Variants in SLC38A6 observed in about 807,000 individuals in gnomAD.
SLC38A6 encodes the protein solute carrier family 38 member 6, also known as N system amino acid transporter NAT-1.
In SLC38A6, 73 loss-of-function variants were observed where a neutral mutation model predicts 65.0. The ratio of observed to expected loss-of-function variants is 1.12; its 90% CI spans 0.93 to 1.37. The LOEUF (loss-of-function observed/expected upper bound fraction) is 1.37. SLC38A6 is among the 40% of genes most tolerant of loss of function. The probability of loss-of-function intolerance (pLI) is 0.00; values close to 1 mark genes in which losing one functional copy is unlikely to be tolerated. For missense variants in SLC38A6, 561 were observed against 531.1 expected, an observed-to-expected ratio of 1.06 and a Z score of -0.55; for synonymous variants, 183 against 178.8, an observed-to-expected ratio of 1.02 and a Z score of -0.19.
chr14:61,052,339 A>G lies in SLC38A6; in HGVS notation c.1291-10A>G. The G allele has an allele frequency of 6.4e-7, 1 of 1,560,830 alleles. No individual in the cohort carries two copies. The highest frequency in any genetic ancestry group is 8.6e-7 in the Non-Finnish European group (1 of 1,157,144). On this transcript the variant is annotated splice_polypyrimidine_tract_variant and intron_variant, in intron 15 of 15. Coordinates refer to ENST00000267488, the MANE Select transcript of SLC38A6 (RefSeq NM_153811.3). ...TTTCTTATCTTTTATCTTTTTTCTT[A>G]TTTCCACAGGCATTCGTTTTGCTCA...
chr14:61,003,227 G>A (rs2038830319), intron 3 of SLC38A6, among the ~76,000 whole-genome samples: 1 of 151,850 alleles, frequency 6.6e-6, no homozygotes, highest in Admixed American at 6.6e-5. Flanking sequence ...GCCAAAAAAA[G>A]AAAGAAAAAG....
At chr14:61,027,382 C>G (rs911001278) in intron 5 of SLC38A6, among the ~76,000 whole-genome samples, 10 of 152,062 alleles carry the variant, frequency 6.6e-5, no homozygotes, top group African/African-American at 2.4e-4. Flanking sequence ...TAGAGTAGAA[C>G]ATGGTGTGTC....
intron 5 of SLC38A6, among the ~76,000 whole-genome samples, chr14:61,027,652 AATTT>A (rs1396392735): frequency 3.3e-5 from 5 of 152,102 alleles, no homozygotes; most frequent in Admixed American, 2.6e-4. Context: ...CTTTTGTATG[AATTT>A]AATTAAGATA....
At chr14:61,047,237 A>G (rs751826760) in intron 12 of SLC38A6, among the ~76,000 whole-genome samples, 15 of 152,178 alleles carry the variant, frequency 9.9e-5, no homozygotes, top group South Asian at 2.1e-4. Flanking sequence ...TGGCTTGCCA[A>G]TATCCAGGCT....
intron 6 of SLC38A6, chr14:61,034,432 C>T (rs566390813): frequency 3.3e-5 from 5 of 151,972 alleles, no homozygotes; most frequent in African/African-American, 4.8e-5. Flanking sequence ...GTGTATAATG[C>T]GGTATTGTTA....
chr14:61,043,691 A>G (rs878959513), intron 10 of SLC38A6, among the ~76,000 whole-genome samples, 188 bp downstream of exon 10: 1 of 116,156 alleles, frequency 8.6e-6, no homozygotes, highest in Non-Finnish European at 1.7e-5. Context: ...TGAAACAGCC[A>G]CCTTTTTTTT....
At chr14:61,054,309 A>T (rs1418661580), downstream of SLC38A6, among the ~76,000 whole-genome samples, 1 of 152,146 alleles carries the variant, frequency 6.6e-6, no homozygotes, top group Non-Finnish European at 1.5e-5. Flanking sequence ...GGTTCATGTG[A>T]TGCCTCCAGC....
chr14:60,988,258 C>T (rs1262118976), intron 3 of SLC38A6, among the ~76,000 whole-genome samples: 1 of 152,206 alleles, frequency 6.6e-6, no homozygotes, highest in African/African-American at 2.4e-5. Flanking sequence ...TCTCAACCAT[C>T]TTCCTCTCCT....
chr14:61,016,319 G>A (rs552520394), intron 4 of SLC38A6, among the ~76,000 whole-genome samples: 40 of 152,086 alleles, frequency 2.6e-4, no homozygotes, highest in Admixed American at 4.6e-4. Flanking sequence ...AAGCAACATC[G>A]AATTCAAATT....
At chr14:61,020,872 TCA>T (rs1484092787) in intron 5 of SLC38A6, among the ~76,000 whole-genome samples, 1 of 152,190 alleles carries the variant, frequency 6.6e-6, no homozygotes, top group Non-Finnish European at 1.5e-5. Context: ...CTAAGAACTA[TCA>T]CATATTGTTT....
chr14:61,025,636 C>G (rs2040568165), intron 5 of SLC38A6, among the ~76,000 whole-genome samples: 1 of 151,990 alleles, frequency 6.6e-6, no homozygotes, highest in African/African-American at 2.4e-5. Context: ...ATAAAATTTT[C>G]AGAACAGTAG....
At chr14:60,990,225 T>G (rs2037759667) in intron 3 of SLC38A6, among the ~76,000 whole-genome samples, 1 of 152,166 alleles carries the variant, frequency 6.6e-6, no homozygotes, top group African/African-American at 2.4e-5. Context: ...GAAACAGGGT[T>G]TTGCCATGTT....
intron 15 of SLC38A6, among the ~76,000 whole-genome samples, chr14:61,078,150 C>A (rs1958275): frequency 6.6e-6 from 1 of 152,142 alleles, no homozygotes; most frequent in South Asian, 2.1e-4. Context: ...GCCATCTGTG[C>A]GTGCTTGTTG....
chr14:61,016,982 A>G (rs2040050172), intron 4 of SLC38A6, among the ~76,000 whole-genome samples: 1 of 152,214 alleles, frequency 6.6e-6, no homozygotes, highest in South Asian at 2.1e-4. Context: ...GAGGAAATAT[A>G]TATAGCTATA....
chr14:61,004,530 A>C (rs1359354363), intron 3 of SLC38A6: 1 of 152,230 alleles, frequency 6.6e-6, no homozygotes, highest in East Asian at 1.9e-4. Context: ...ACAGAAATAC[A>C]AACTACCATC....
intron 3 of SLC38A6, among the ~76,000 whole-genome samples, chr14:60,986,137 G>A (rs1227265733): frequency 2.6e-5 from 4 of 152,228 alleles, no homozygotes; most frequent in Non-Finnish European, 5.9e-5. Context: ...GCTGAAACAG[G>A]TGAGTGAAGC....
At chr14:61,069,970 TG>T (rs1205595483) in intron 15 of SLC38A6, among the ~76,000 whole-genome samples, 1 of 152,166 alleles carries the variant, frequency 6.6e-6, no homozygotes, top group Non-Finnish European at 1.5e-5. Flanking sequence ...CACCCGCAAA[TG>T]TTGGCATACA....
chr14:61,008,398 G>A (rs1022187953), intron 3 of SLC38A6, among the ~76,000 whole-genome samples: 2 of 152,068 alleles, frequency 1.3e-5, no homozygotes, highest in Admixed American at 6.6e-5. Flanking sequence ...TGAAAGTACC[G>A]AGGAGTTCTT....
intron 5 of SLC38A6, among the ~76,000 whole-genome samples, chr14:61,025,854 T>G (rs1193261374): frequency 6.6e-6 from 1 of 152,148 alleles, no homozygotes; most frequent in Non-Finnish European, 1.5e-5. Flanking sequence ...ACACATTGAA[T>G]AGAATAAACC....
Sources: allele counts gnomAD v4.1 joint callset (sites outside exome capture counted in the v4.1 genomes callset), GRCh38; gene constraint gnomAD v4.1.1; transcripts MANE v1.5; gene names NCBI Gene and HGNC (gene_info 2026-07-23, HGNC 2026-07-21).